Variants in YTHDF1 observed in about 807,000 individuals in gnomAD.
YTHDF1 encodes the protein YTH N6-methyladenosine RNA binding protein F1, also known as YTH domain-containing family protein 1.
YTHDF1 carries 16 observed loss-of-function variants against 49.1 expected under a neutral mutation model. The observed-to-expected ratio is 0.33, with a 90% CI of 0.22 to 0.49. YTHDF1 has a LOEUF of 0.49. Among genes scored for constraint, YTHDF1 ranks in the 20% least tolerant of loss-of-function variants. The pLI, the probability that YTHDF1 is intolerant of heterozygous loss-of-function variation, is 0.99. For missense variants in YTHDF1, 621 were observed against 744.3 expected, an observed-to-expected ratio of 0.83 and a Z score of 1.93; for synonymous variants, 313 against 290.1, an observed-to-expected ratio of 1.08 and a Z score of -0.80.
intron 3 of YTHDF1, among the ~76,000 whole-genome samples, chr20:63,211,236 G>A (rs565360864): frequency 9.9e-5 from 15 of 151,912 alleles, no homozygotes; most frequent in African/African-American, 2.7e-4. Flanking sequence ...AGGCTGATGC[G>A]TGTGGATTGC....
At chr20:63,211,732 T>G (rs576842821) in intron 3 of YTHDF1, among the ~76,000 whole-genome samples, 1 of 152,066 alleles carries the variant, frequency 6.6e-6, no homozygotes, top group Non-Finnish European at 1.5e-5. Context: ...AGCAGGAAGA[T>G]CACTTGAGCC....
At chr20:63,213,795 A>G in intron 3 of YTHDF1, 69 bp downstream of exon 3, 1 of 1,369,794 alleles carries the variant, frequency 7.3e-7, no homozygotes, top group African/African-American at 1.5e-5. Flanking sequence ...AAAATCAGAA[A>G]TGACAGTAAA....
In YTHDF1 at chr20:63,195,729, A is replaced by T. The variant is rs2066489609; in HGVS notation, c.*979T>A. On this transcript the variant is annotated 3_prime_UTR_variant, in exon 5 of 5. Coordinates refer to ENST00000370339, the MANE Select transcript of YTHDF1 (RefSeq NM_017798.4). ...TCAAACTCCAGGTGGTAGTGAGCTC[A>T]ACGGTCCCTCATTCCACAAAACATG... The T allele has an allele frequency of 1.3e-5, 2 of 152,418 alleles. No individual in the cohort carries two copies. Among genetic ancestry groups the T allele is most frequent in the African/African-American group, 4.8e-5 (2 of 41,440 alleles). 9.4% of individuals were successfully genotyped at this position (152,418 alleles called of 1,614,324 possible). A position where few individuals can be genotyped will look rare whatever the true frequency, so the allele number is the denominator to read the frequency against.
intron 2 of YTHDF1, 117 bp from the exon 3 acceptor site, chr20:63,214,060 T>C: frequency 1.4e-6 from 2 of 1,441,722 alleles, no homozygotes; most frequent in Non-Finnish European, 1.8e-6. Context: ...TATGCTTTAA[T>C]TTTAAAAGGA....
At chr20:63,199,246 G>A (rs1348268162) in intron 4 of YTHDF1, among the ~76,000 whole-genome samples, 15 of 151,962 alleles carry the variant, frequency 9.9e-5, no homozygotes, top group Non-Finnish European at 1.9e-4. Flanking sequence ...TCGGCCGGGC[G>A]CAGTGGCTCA....
rs2066532393 is a variant in YTHDF1, at chr20:63,203,919, G to A, written c.133-112C>T. Reference sequence around the variant, plus strand: ...AGCAAAAACAAAACCTGCACAGCATGGGGCTACTCCTTCCAGAAAGAAAGC... The same window carrying A: ...AGCAAAAACAAAACCTGCACAGCATAGGGCTACTCCTTCCAGAAAGAAAGC... On this transcript the variant is annotated intron_variant, in intron 3 of 4. Coordinates refer to ENST00000370339, the MANE Select transcript of YTHDF1 (RefSeq NM_017798.4). The surrounding 1 kb of genome is among the most constrained non-coding windows in gnomAD (Gnocchi z 4.4). 14 of 960,434 alleles carry A rather than the reference G, an allele frequency of 1.5e-5. No individual in the cohort carries two copies. In the South Asian group the frequency reaches 2.6e-4, roughly 18 times the overall value. 59.5% of individuals were successfully genotyped at this position (960,434 alleles called of 1,614,324 possible).
At chr20:63,213,170 G>A (rs919773358) in intron 3 of YTHDF1, among the ~76,000 whole-genome samples, 76 of 152,224 alleles carry the variant, frequency 5.0e-4, no homozygotes, top group African/African-American at 1.7e-3. Flanking sequence ...GGTGCCTCAC[G>A]CCTATAATCC....
chr20:63,215,445 A>G, intron 2 of YTHDF1, 132 bp downstream of exon 2: 8 of 1,236,326 alleles, frequency 6.5e-6, no homozygotes, highest in Non-Finnish European at 9.2e-6. Context: ...ATCGTCGCAC[A>G]ACCTCAAGTT....
intron 1 of YTHDF1, 31 bp downstream of exon 1, chr20:63,215,835 G>T: frequency 6.9e-7 from 1 of 1,453,732 alleles, no homozygotes; most frequent in Non-Finnish European, 9.1e-7. Flanking sequence ...CCTCGGCCCC[G>T]GCCGCGGCCC....
chr20:63,206,452 G>A (rs1015930797), intron 3 of YTHDF1, among the ~76,000 whole-genome samples: 1 of 152,192 alleles, frequency 6.6e-6, no homozygotes, highest in African/African-American at 2.4e-5. Flanking sequence ...TAGCACACAC[G>A]CTGCACAGAC....
Position 63,216,127 on chromosome 20 carries a change from G to T in YTHDF1, c.-235C>A. The T allele has an allele frequency of 6.0e-6, 1 of 165,970 alleles. No homozygotes were observed. Among genetic ancestry groups the T allele is most frequent in the Non-Finnish European group, 1.2e-5 (1 of 80,950 alleles). 10.3% of individuals were successfully genotyped at this position (165,970 alleles called of 1,614,324 possible). A position where few individuals can be genotyped will look rare whatever the true frequency, so the allele number is the denominator to read the frequency against. On this transcript the variant is annotated 5_prime_UTR_variant, in exon 1 of 5. Coordinates refer to ENST00000370339, the MANE Select transcript of YTHDF1 (RefSeq NM_017798.4). Reference sequence around the variant, plus strand: ...GTCGACTCCAATGGCGGCGGCGGCGGCGACAGCAGCGGCGACGGCGGCGGC... The same window carrying T: ...GTCGACTCCAATGGCGGCGGCGGCGTCGACAGCAGCGGCGACGGCGGCGGC...
In YTHDF1 at chr20:63,202,859, T is replaced by C. The variant is rs773577072; in HGVS notation, c.1081A>G (p.Ser361Gly). ...PGNVQPNSAP[S>G]VESHPVLEKL... ...TCAAGGACGGGGTGGGATTCGACGC[T>C]GGGGGCAGAATTAGGCTGGACGTTT... The change falls in exon 4 of 5, where the codon AGC becomes GGC. Residue 361 changes from serine (S) to glycine (G), a missense_variant. Physicochemically the swap from Ser to Gly is moderately conservative, Grantham distance 56. Transcript: ENST00000370339. 9 of 1,613,876 alleles carry C rather than the reference T, an allele frequency of 5.6e-6. No individual in the cohort carries two copies. Among genetic ancestry groups the C allele is most frequent in the African/African-American group, 1.3e-5 (1 of 75,070 alleles).
chr20:63,196,568 G>A lies in YTHDF1; in HGVS notation c.*140C>T. Reference sequence around the variant, plus strand: ...AGTACAAATAAATGCAGATCCATCTGGGCAAAAATCAACGACAAGAAAGGC... The same window carrying A: ...AGTACAAATAAATGCAGATCCATCTAGGCAAAAATCAACGACAAGAAAGGC... On this transcript the variant is annotated 3_prime_UTR_variant, in exon 5 of 5. Coordinates refer to ENST00000370339, the MANE Select transcript of YTHDF1 (RefSeq NM_017798.4). 1.1e-6 allele frequency: 1 copy of A among 934,586 alleles called. No homozygotes were observed. Among genetic ancestry groups the A allele is most frequent in the Non-Finnish European group, 1.6e-6 (1 of 606,864 alleles). The allele number at this position is 934,586 out of a possible 1,614,324, so 57.9% of individuals were successfully genotyped here. A position where few individuals can be genotyped will look rare whatever the true frequency, so the allele number is the denominator to read the frequency against.
At chr20:63,204,492 G>T (rs1018598449) in intron 3 of YTHDF1, among the ~76,000 whole-genome samples, 11 of 152,186 alleles carry the variant, frequency 7.2e-5, no homozygotes, top group African/African-American at 1.2e-4. Context: ...TGGGCACAGC[G>T]TTGGGCTCTT....
intron 3 of YTHDF1, among the ~76,000 whole-genome samples, chr20:63,205,428 T>C (rs2066541113): frequency 6.6e-6 from 1 of 152,186 alleles, no homozygotes; most frequent in Admixed American, 6.5e-5. Flanking sequence ...CATCCTAGAA[T>C]ACTGAGGGCT....
At chr20:63,208,844 C>T (rs1175559300) in intron 3 of YTHDF1, among the ~76,000 whole-genome samples, 8 of 152,194 alleles carry the variant, frequency 5.3e-5, no homozygotes, top group Non-Finnish European at 1.0e-4. Context: ...TCAAAGAAGT[C>T]CTAGATGCTC....
intron 1 of YTHDF1, 47 bp from the exon 2 acceptor site, chr20:63,215,648 A>T (rs1368678613): frequency 1.3e-6 from 2 of 1,578,728 alleles, no homozygotes; most frequent in Non-Finnish European, 1.7e-6. Context: ...ACCCGGGGGA[A>T]GAGGGAAACA....
chr20:63,207,335 G>C (rs932289156), intron 3 of YTHDF1, among the ~76,000 whole-genome samples: 1 of 152,108 alleles, frequency 6.6e-6, no homozygotes, highest in African/African-American at 2.4e-5. Context: ...CGGGCGTGGT[G>C]GTGGGTGCCT....
intron 3 of YTHDF1, among the ~76,000 whole-genome samples, chr20:63,204,453 C>T (rs2066535256): frequency 6.6e-6 from 1 of 152,186 alleles, no homozygotes; most frequent in African/African-American, 2.4e-5. Flanking sequence ...GCCTCTAAGT[C>T]CAAGGGGGTT....
Sources: allele counts gnomAD v4.1 joint callset (sites outside exome capture counted in the v4.1 genomes callset), GRCh38; gene constraint gnomAD v4.1.1; non-coding constraint Gnocchi (gnomAD v3.1); transcripts MANE v1.5; gene names NCBI Gene and HGNC (gene_info 2026-07-23, HGNC 2026-07-21).